PTP4A3: variants seen among roughly 807,000 people sequenced by gnomAD.
The protein encoded by PTP4A3 is protein tyrosine phosphatase 4A3.
Under a neutral mutation model 15.2 loss-of-function variants are expected in PTP4A3, and 9 were observed. That is an observed-to-expected ratio of 0.59 (90% CI 0.36 to 1.03). The LOEUF is 1.03. Ranked by LOEUF, PTP4A3 falls within the 50% of genes least tolerant of loss-of-function variation. The pLI, the probability that PTP4A3 is intolerant of heterozygous loss-of-function variation, is 0.02. For missense variants in PTP4A3, 234 were observed against 252.1 expected (o/e 0.93, Z 0.49); for synonymous variants, 95 against 102.0 (o/e 0.93, Z 0.41).
chr8:141,393,598 A>T (rs1312912643), intron 1 of PTP4A3, among the ~76,000 whole-genome samples: 2 of 152,308 alleles, frequency 1.3e-5, no homozygotes, highest in South Asian at 2.1e-4. Flanking sequence ...GATGGGAGAA[A>T]ATGCAGGCGG....
chr8:141,417,342 A>T (rs1389926935), intron 1 of PTP4A3, among the ~76,000 whole-genome samples: 1 of 152,206 alleles, frequency 6.6e-6, no homozygotes, highest in African/African-American at 2.4e-5. Flanking sequence ...GTGAGGGGAC[A>T]GCAGTGTCTG....
In PTP4A3 at chr8:141,425,199, G is replaced by GGGGGGGGGGGGGGGGGGGC; in HGVS notation, c.198+62_198+63insGGGGGGGGGGGGGGGCGGG. Reference sequence around the variant, plus strand: ...CTGCCACCGGGGGAGGGTGGGGCGGGGGGCTCCGGGCCTGCGCAGAGGGTT... The same window carrying GGGGGGGGGGGGGGGGGGGC: ...CTGCCACCGGGGGAGGGTGGGGCGGGGGGGGGGGGGGGGGGGGGCGGGCTCCGGGCCTGCGCAGAGGGTT... On this transcript the variant is annotated intron_variant, in intron 3 of 5. Coordinates refer to ENST00000521578, the MANE Select transcript of PTP4A3 (RefSeq NM_032611.3). The surrounding 1 kb of genome is among the most constrained non-coding windows in gnomAD (Gnocchi z 4.2). 1 of 844,208 alleles carries GGGGGGGGGGGGGGGGGGGC rather than the reference G, an allele frequency of 1.2e-6. No individual in the cohort carries two copies. Among genetic ancestry groups the GGGGGGGGGGGGGGGGGGGC allele is most frequent in the Admixed American group, 1.8e-5 (1 of 55,664 alleles). The allele number at this position is 844,208 out of a possible 1,614,324, so 52.3% of individuals were successfully genotyped here. A position where few individuals can be genotyped will look rare whatever the true frequency, so the allele number is the denominator to read the frequency against.
At chr8:141,430,862 T>TGGGGCAGGTGAGATGGCC (rs1165117096) in intron 5 of PTP4A3, 65 bp from the exon 6 acceptor site, 16 of 1,506,454 alleles carry the variant, frequency 1.1e-5, no homozygotes, top group Admixed American at 1.7e-5. Context: ...TCCAGCTCCC[T>TGGGGCAGGTGAGATGGCC]GGGGCAGGTG....
chr8:141,395,213 G>A (rs1480887428), intron 1 of PTP4A3, among the ~76,000 whole-genome samples: 2 of 152,208 alleles, frequency 1.3e-5, no homozygotes, highest in South Asian at 2.1e-4. Flanking sequence ...GAGAGTGTGC[G>A]CGTGTCTCCC....
At chr8:141,424,068 C>G (rs1833453657) in intron 2 of PTP4A3, among the ~76,000 whole-genome samples, 2 of 152,094 alleles carry the variant, frequency 1.3e-5, no homozygotes, top group Admixed American at 6.5e-5. Flanking sequence ...GCTGGGTGGC[C>G]ATTCCCTCTG....
chr8:141,404,966 G>A (rs187979261), intron 1 of PTP4A3, among the ~76,000 whole-genome samples: 103 of 152,342 alleles, frequency 6.8e-4, no homozygotes, highest in Admixed American at 1.8e-3. Context: ...TGTTCAAGAA[G>A]TAATTTAAAC....
At chr8:141,402,616 G>C (rs1202939206) in intron 1 of PTP4A3, among the ~76,000 whole-genome samples, 1 of 152,172 alleles carries the variant, frequency 6.6e-6, no homozygotes, top group Non-Finnish European at 1.5e-5. Flanking sequence ...AGTGGGGGCA[G>C]GCAGCCCTGC....
chr8:141,418,211 C>G (rs925586312), intron 1 of PTP4A3, among the ~76,000 whole-genome samples: 28 of 152,218 alleles, frequency 1.8e-4, no homozygotes, highest in Non-Finnish European at 2.9e-5. Context: ...TCAGCCCTGA[C>G]CGCGGCGCAG....
chr8:141,430,183 G>A (rs563756567), intron 5 of PTP4A3, among the ~76,000 whole-genome samples: 3 of 148,550 alleles, frequency 2.0e-5, no homozygotes, highest in South Asian at 2.1e-4. Context: ...CCGGGTCCCC[G>A]CTGTAAGGAC....
At chr8:141,395,410 T>A (rs193173526) in intron 1 of PTP4A3, among the ~76,000 whole-genome samples, 1,818 of 152,336 alleles carry the variant, frequency 0.012, 22 homozygotes, top group Non-Finnish European at 0.019. Flanking sequence ...AGTCTTGGGC[T>A]GCTTTAGTGG....
At chr8:141,396,007 G>C (rs62522490) in intron 1 of PTP4A3, among the ~76,000 whole-genome samples, 7,363 of 152,242 alleles carry the variant, frequency 0.048, 207 homozygotes, top group African/African-American at 0.072. Context: ...CTGGCCACCT[G>C]CCCCCGCCAA....
intron 5 of PTP4A3, among the ~76,000 whole-genome samples, chr8:141,430,159 G>A (rs1353742519): frequency 6.8e-6 from 1 of 148,134 alleles, no homozygotes; most frequent in Non-Finnish European, 1.5e-5. Context: ...GCGGGGACAG[G>A]GTGAGCACAC....
intron 5 of PTP4A3, among the ~76,000 whole-genome samples, chr8:141,428,276 G>A (rs1292317033): frequency 2.9e-5 from 2 of 69,508 alleles, no homozygotes; most frequent in African/African-American, 5.7e-5. Flanking sequence ...CCCCAACCCC[G>A]AGCTCTCCAG....
chr8:141,396,347 G>T (rs1467845381), intron 1 of PTP4A3, among the ~76,000 whole-genome samples: 1 of 152,220 alleles, frequency 6.6e-6, no homozygotes. Context: ...TGGGAGGAGA[G>T]CAGGAATTTG....
intron 1 of PTP4A3, among the ~76,000 whole-genome samples, chr8:141,413,535 G>A (rs1832924911): frequency 6.6e-6 from 1 of 152,336 alleles, no homozygotes; most frequent in African/African-American, 2.4e-5. Flanking sequence ...GGCTCTTAAC[G>A]GAAGCTGCTG....
rs1400736718 is a variant in PTP4A3, at chr8:141,406,667, A to T, written c.-854+14583A>T. On this transcript the variant is annotated intron_variant, in intron 1 of 5. Transcript: ENST00000521578. The surrounding 1 kb of genome is among the most constrained non-coding windows in gnomAD (Gnocchi z 4.5). ...GAACTACAGTTTTGGTAGAGGTGCA[A>T]GTGGATTCTGTGTGGCACAGAAGAT... Among the ~76,000 whole-genome samples the T allele has an allele frequency of 6.6e-6, 1 of 152,126 alleles. No homozygotes were observed. The highest frequency in any genetic ancestry group is 2.4e-5 in the African/African-American group (1 of 41,418).
intron 1 of PTP4A3, among the ~76,000 whole-genome samples, chr8:141,416,267 T>TA (rs1563732143): frequency 1.3e-5 from 2 of 150,586 alleles, no homozygotes; most frequent in Non-Finnish European, 3.0e-5. Context: ...CCCAGAGGGC[T>TA]AGGGTGGGGA....
intron 5 of PTP4A3, among the ~76,000 whole-genome samples, chr8:141,429,866 T>C (rs1414582177): frequency 3.0e-4 from 1 of 3,370 alleles, no homozygotes; most frequent in East Asian, 0.01. Flanking sequence ...GAGCGCACAG[T>C]CCGGGTCCCC....
chr8:141,396,808 C>T (rs891785935), intron 1 of PTP4A3, among the ~76,000 whole-genome samples: 1 of 152,158 alleles, frequency 6.6e-6, no homozygotes, highest in African/African-American at 2.4e-5. Flanking sequence ...ACGCATAACC[C>T]GAGGGGCTGC....
Sources: allele counts gnomAD v4.1 joint callset (sites outside exome capture counted in the v4.1 genomes callset), GRCh38; gene constraint gnomAD v4.1.1; non-coding constraint Gnocchi (gnomAD v3.1); transcripts MANE v1.5; gene names NCBI Gene and HGNC (gene_info 2026-07-23, HGNC 2026-07-21).